The following EPB41L3 variants were observed in gnomAD, a reference collection of about 807,000 sequenced individuals.
EPB41L3 encodes band 4.1-like protein 3.
In EPB41L3, 57 loss-of-function variants were observed where a neutral mutation model predicts 127.1. The observed-to-expected ratio is 0.45, with a 90% CI of 0.36 to 0.56. EPB41L3 has a LOEUF of 0.56. Ranked by LOEUF, EPB41L3 falls within the 20% of genes least tolerant of loss-of-function variation. The pLI is 0.00. For missense variants in EPB41L3, 1,273 were observed against 1,372.2 expected, an observed-to-expected ratio of 0.93 and a Z score of 1.14; for synonymous variants, 572 against 549.5, an observed-to-expected ratio of 1.04 and a Z score of -0.57.
chr18:5,407,836 T>C (rs375320631), intron 14 of EPB41L3, 100 bp from the exon 15 acceptor site: 2 of 1,058,722 alleles, frequency 1.9e-6, no homozygotes, highest in African/African-American at 3.2e-5. Context: ...TGTGGGCACG[T>C]GTACGCTCTT....
At chr18:5,608,677 G>C (rs1386508761) in intron 3 of EPB41L3, among the ~76,000 whole-genome samples, 2 of 152,116 alleles carry the variant, frequency 1.3e-5, no homozygotes, top group Non-Finnish European at 2.9e-5. Context: ...TACTGGAAGA[G>C]AAAATTAGAT....
At chr18:5,458,958 T>C (rs1311078051) in intron 3 of EPB41L3, among the ~76,000 whole-genome samples, 1 of 152,216 alleles carries the variant, frequency 6.6e-6, no homozygotes, top group Non-Finnish European at 1.5e-5. Flanking sequence ...TTTTGGGATC[T>C]TGAGTATGCC....
At chr18:5,524,158 G>A (rs766768544) in intron 1 of EPB41L3, among the ~76,000 whole-genome samples, 2 of 151,810 alleles carry the variant, frequency 1.3e-5, no homozygotes, top group South Asian at 2.1e-4. Flanking sequence ...GTAACTGGCC[G>A]GACTCTTTTC....
chr18:5,560,573 A>G (rs530632516), intron 3 of EPB41L3, among the ~76,000 whole-genome samples: 30 of 152,242 alleles, frequency 2.0e-4, no homozygotes, highest in Non-Finnish European at 3.7e-4. Context: ...TTGAGCATGC[A>G]GATCCTAAAA....
At chr18:5,414,072 C>G (rs1252602700) in intron 13 of EPB41L3, among the ~76,000 whole-genome samples, 2 of 152,162 alleles carry the variant, frequency 1.3e-5, no homozygotes, top group African/African-American at 4.8e-5. Context: ...GCAATCTTTT[C>G]TGCCTTATGT....
intron 1 of EPB41L3, among the ~76,000 whole-genome samples, chr18:5,535,523 C>T (rs1205714591): frequency 6.6e-6 from 1 of 152,148 alleles, no homozygotes; most frequent in African/African-American, 2.4e-5. Flanking sequence ...AAGAATAATT[C>T]TCTGTAATGA....
intron 2 of EPB41L3, among the ~76,000 whole-genome samples, chr18:5,483,190 G>A (rs950952296): frequency 4.6e-5 from 7 of 152,098 alleles, no homozygotes; most frequent in Non-Finnish European, 1.0e-4. Flanking sequence ...GTGTGTATGT[G>A]CGTGCATGTG....
At chr18:5,479,308 T>C (rs1426436810) in intron 2 of EPB41L3, among the ~76,000 whole-genome samples, 1 of 152,226 alleles carries the variant, frequency 6.6e-6, no homozygotes, top group Non-Finnish European at 1.5e-5. Flanking sequence ...TGCAAATATG[T>C]GCTGACAGTC....
intron 16 of EPB41L3, among the ~76,000 whole-genome samples, chr18:5,405,015 T>C (rs1306308435): frequency 1.3e-5 from 2 of 152,228 alleles, no homozygotes; most frequent in Non-Finnish European, 2.9e-5. Flanking sequence ...TACAAGAATA[T>C]GGTGGTAGTC....
rs879936689 is a variant in EPB41L3 at position 5,474,229 on chromosome 18, T to TAAA, written c.381+4009_381+4011dup. Among the ~76,000 whole-genome samples, 118 of 138,080 alleles carry TAAA rather than the reference T, an allele frequency of 8.5e-4. 1 individual carries two copies. Among genetic ancestry groups the TAAA allele is most frequent in the African/African-American group, 3.0e-3 (111 of 37,266 alleles). The allele number at this position is 138,080 out of a possible 152,430, so 90.6% of individuals were successfully genotyped here. On this transcript the variant is annotated intron_variant, in intron 3 of 22. Transcript: ENST00000341928. Reference sequence around the variant, plus strand: ...CTGGGCAACAGAGTCAGACTCTGTCTAAAAAAAAAAAAAAATCTCTCAAAT... The same window carrying TAAA: ...CTGGGCAACAGAGTCAGACTCTGTCTAAAAAAAAAAAAAAAAAATCTCTCAAAT...
At chr18:5,510,009 A>G (rs2092432306) in intron 1 of EPB41L3, among the ~76,000 whole-genome samples, 1 of 152,210 alleles carries the variant, frequency 6.6e-6, no homozygotes, top group African/African-American at 2.4e-5. Context: ...TAATATGGAG[A>G]TCAGGGAAAG....
intron 3 of EPB41L3, among the ~76,000 whole-genome samples, chr18:5,453,207 C>G (rs2082533404): frequency 1.3e-5 from 2 of 152,168 alleles, no homozygotes; most frequent in South Asian, 4.1e-4. Context: ...TATGAATCAG[C>G]CTGAGTGAAG....
intron 1 of EPB41L3, among the ~76,000 whole-genome samples, chr18:5,624,867 TGAGA>T: frequency 6.6e-6 from 1 of 152,174 alleles, no homozygotes; most frequent in East Asian, 1.9e-4. Flanking sequence ...GAAGGAAAGA[TGAGA>T]GAGAGAGATC....
At chr18:5,603,734 A>G (rs1330956501) in intron 3 of EPB41L3, among the ~76,000 whole-genome samples, 1 of 152,116 alleles carries the variant, frequency 6.6e-6, no homozygotes, top group African/African-American at 2.4e-5. Flanking sequence ...AGGAAAAAAT[A>G]GCCTGGCATG....
At chr18:5,604,167 T>G (rs2143860363) in intron 3 of EPB41L3, among the ~76,000 whole-genome samples, 1 of 152,220 alleles carries the variant, frequency 6.6e-6, no homozygotes, top group Admixed American at 6.5e-5. Flanking sequence ...ATTAGAATCA[T>G]TCTTTCATTC....
chr18:5,478,891 A>T (rs2087805100), intron 2 of EPB41L3, among the ~76,000 whole-genome samples: 1 of 152,246 alleles, frequency 6.6e-6, no homozygotes, highest in Non-Finnish European at 1.5e-5. Context: ...ATAAACTCTA[A>T]GACCTGGAGA....
chr18:5,551,740 G>T (rs1450856704), intron 3 of EPB41L3, among the ~76,000 whole-genome samples: 1 of 152,108 alleles, frequency 6.6e-6, no homozygotes, highest in Non-Finnish European at 1.5e-5. Flanking sequence ...AATTTTTAAG[G>T]CACTGAAGTG....
intron 5 of EPB41L3, among the ~76,000 whole-genome samples, chr18:5,443,048 T>C (rs2081008715): frequency 6.6e-6 from 1 of 152,200 alleles, no homozygotes; most frequent in African/African-American, 2.4e-5. Context: ...TCTGCTACTG[T>C]AAATAGTAAT....
intron 1 of EPB41L3, among the ~76,000 whole-genome samples, chr18:5,492,806 A>G (rs1012734924): frequency 2.6e-5 from 4 of 152,206 alleles, no homozygotes; most frequent in Admixed American, 6.5e-5. Context: ...AAGGACATTC[A>G]TAAGTATGCT....
Sources: allele counts gnomAD v4.1 joint callset (sites outside exome capture counted in the v4.1 genomes callset), GRCh38; gene constraint gnomAD v4.1.1; transcripts MANE v1.5; gene names NCBI Gene and HGNC (gene_info 2026-07-23, HGNC 2026-07-21).